ELMO1: variants seen among roughly 807,000 people sequenced by gnomAD.
The protein encoded by ELMO1 is engulfment and cell motility protein 1.
Under a neutral mutation model 98.9 loss-of-function variants are expected in ELMO1, and 26 were observed. That is an observed-to-expected ratio of 0.26 (90% confidence interval 0.19 to 0.36). ELMO1 has a LOEUF of 0.36. ELMO1 is among the 10% of genes least tolerant of loss of function. ELMO1 has a pLI of 1.00. For synonymous variants in ELMO1, 346 were observed against 346.0 expected (o/e 1.00, Z 0.00); for missense variants, 627 against 935.2 (o/e 0.67, Z 4.30).
intron 1 of ELMO1, among the ~76,000 whole-genome samples, chr7:37,362,562 A>G (rs1479501820): frequency 2.6e-5 from 4 of 152,126 alleles, no homozygotes; most frequent in Admixed American, 2.0e-4. Flanking sequence ...TACATTTTAA[A>G]TGTATATCCT....
chr7:37,088,693 A>T (rs1324584068), intron 15 of ELMO1, among the ~76,000 whole-genome samples: 1 of 152,152 alleles, frequency 6.6e-6, no homozygotes, highest in Non-Finnish European at 1.5e-5. Context: ...TGAATGCAAG[A>T]ATTTTACATG....
At position 37,009,051 on chromosome 7, in the gene ELMO1, C is replaced by T. The variant is rs190710336; in HGVS notation, c.1437+4248G>A. Among the ~76,000 whole-genome samples the T allele has an allele frequency of 1.8e-3, 280 of 152,298 alleles. 1 individual carries two copies. Among genetic ancestry groups the T allele is most frequent in the African/African-American group, 5.2e-3 (217 of 41,562 alleles). ...ACAGACATATACTCTAAAGTGTATA[C>T]TCTCATTACATTTTTTTTTTACAGT... On this transcript the variant is annotated intron_variant, in intron 16 of 21. Coordinates refer to ENST00000310758, the MANE Select transcript of ELMO1 (RefSeq NM_014800.11).
At chr7:37,271,175 C>T (rs1796540765) in intron 5 of ELMO1, 1 of 152,522 alleles carries the variant, frequency 6.6e-6, no homozygotes, top group African/African-American at 2.4e-5. Context: ...TCCTGACCTC[C>T]TGATCCACCT....
At chr7:37,305,448 G>GTA (rs1554292705) in intron 4 of ELMO1, among the ~76,000 whole-genome samples, 1 of 151,208 alleles carries the variant, frequency 6.6e-6, no homozygotes, top group Non-Finnish European at 1.5e-5. Flanking sequence ...TACAGATAGT[G>GTA]TGTGTGTGTG....
At chr7:36,905,371 G>T (rs1437778245) in intron 16 of ELMO1, among the ~76,000 whole-genome samples, 1 of 152,122 alleles carries the variant, frequency 6.6e-6, no homozygotes, top group Non-Finnish European at 1.5e-5. Flanking sequence ...CCTAAGTTCT[G>T]CCTGTCCTTG....
At chr7:37,030,420 C>G (rs1794816018) in intron 15 of ELMO1, among the ~76,000 whole-genome samples, 1 of 147,482 alleles carries the variant, frequency 6.8e-6, no homozygotes, top group African/African-American at 2.6e-5. Context: ...TGCCAATTCT[C>G]TAAAACAAGA....
intron 16 of ELMO1, chr7:36,986,146 A>G: frequency 1.0e-6 from 1 of 986,856 alleles, no homozygotes; most frequent in Non-Finnish European, 1.2e-6. Flanking sequence ...AAGAATAAGC[A>G]TGTAGCTTTG....
intron 1 of ELMO1, among the ~76,000 whole-genome samples, chr7:37,366,143 T>C (rs77896242): frequency 0.081 from 12,264 of 152,238 alleles, 622 homozygotes; most frequent in Middle Eastern, 0.12. Context: ...GAAAGAATGC[T>C]CTGATTTTTG....
chr7:37,170,208 A>T (rs563835910), intron 13 of ELMO1, among the ~76,000 whole-genome samples: 1 of 152,304 alleles, frequency 6.6e-6, no homozygotes, highest in Non-Finnish European at 1.5e-5. Flanking sequence ...CCTGGCGCAG[A>T]TGCACATTTC....
At chr7:37,247,007 C>T (rs937212913) in intron 6 of ELMO1, among the ~76,000 whole-genome samples, 5 of 152,026 alleles carry the variant, frequency 3.3e-5, no homozygotes, top group African/African-American at 9.7e-5. Flanking sequence ...AATTTGTGCT[C>T]TTTTGACTTT....
intron 15 of ELMO1, among the ~76,000 whole-genome samples, chr7:37,092,302 C>A (rs957332480): frequency 3.3e-5 from 5 of 151,480 alleles, no homozygotes; most frequent in Non-Finnish European, 7.4e-5. Flanking sequence ...ACCCTCCTCA[C>A]CTAACTTTCA....
chr7:37,053,559 A>G (rs185474033), intron 15 of ELMO1, among the ~76,000 whole-genome samples: 1 of 152,162 alleles, frequency 6.6e-6, no homozygotes, highest in Non-Finnish European at 1.5e-5. Context: ...CTTCTTCTGG[A>G]TGTGTTCTTG....
At chr7:37,343,487 C>CTTTTTTTTTTTTTTTTTTTTTTTTTTT (rs10571805) in intron 1 of ELMO1, among the ~76,000 whole-genome samples, 1 of 92,820 alleles carries the variant, frequency 1.1e-5, no homozygotes. Flanking sequence ...TAGCCCATTT[C>CTTTTTTTTTTTTTTTTTTTTTTTTTTT]TTTTTTTTTT....
intron 16 of ELMO1, among the ~76,000 whole-genome samples, chr7:37,006,083 C>T (rs1243038011): frequency 1.3e-5 from 2 of 152,212 alleles, no homozygotes; most frequent in Non-Finnish European, 2.9e-5. Context: ...CAGCCCCCTG[C>T]CTCACCTGCA....
At chr7:37,400,575 T>A (rs557794272) in intron 1 of ELMO1, among the ~76,000 whole-genome samples, 4 of 152,316 alleles carry the variant, frequency 2.6e-5, no homozygotes, top group African/African-American at 9.6e-5. Flanking sequence ...TAAATGCCCA[T>A]CTGAAAAGTC....
intron 15 of ELMO1, among the ~76,000 whole-genome samples, chr7:37,042,868 A>G (rs1179588261): frequency 1.3e-5 from 2 of 151,724 alleles, no homozygotes; most frequent in Non-Finnish European, 2.9e-5. Flanking sequence ...TAGCCCCCAC[A>G]CTCTGGAATA....
chr7:37,072,975 G>A (rs529102085), intron 15 of ELMO1, among the ~76,000 whole-genome samples: 1 of 152,310 alleles, frequency 6.6e-6, no homozygotes, highest in South Asian at 2.1e-4. Flanking sequence ...CTGCTAAGGG[G>A]CCAGAAACAT....
intron 4 of ELMO1, 97 bp from the exon 5 acceptor site, chr7:37,271,979 C>T (rs1412270348): frequency 5.0e-6 from 5 of 991,818 alleles, no homozygotes; most frequent in Non-Finnish European, 1.6e-6. Flanking sequence ...AACAGGCATT[C>T]AGTTTATTCT....
chr7:37,237,521 C>T (rs1794540401), intron 7 of ELMO1, among the ~76,000 whole-genome samples: 1 of 152,078 alleles, frequency 6.6e-6, no homozygotes, highest in Admixed American at 6.5e-5. Context: ...AACTCCTGAC[C>T]TCAGGTGATC....
Sources: gnomAD v4.1 joint callset for allele counts (sites outside exome capture counted in the v4.1 genomes callset) on GRCh38, gnomAD v4.1.1 for gene constraint, MANE v1.5 for transcripts, NCBI Gene and HGNC (gene_info 2026-07-23, HGNC 2026-07-21) for gene names.